Variants in GABRB1 observed in about 807,000 individuals in gnomAD.
GABRB1 encodes the protein gamma-aminobutyric acid receptor subunit beta-1.
A neutral mutation model predicts 51.6 loss-of-function variants in GABRB1; 17 were observed. That is an observed-to-expected ratio of 0.33 (90% CI 0.23 to 0.49). GABRB1 has a LOEUF of 0.49. Ranked by LOEUF, GABRB1 falls within the 20% of genes least tolerant of loss-of-function variation. The pLI is 0.99. For missense variants in GABRB1, 410 were observed against 600.6 expected (o/e 0.68, Z 3.32); for synonymous variants, 247 against 218.9 (o/e 1.13, Z -1.14).
intron 3 of GABRB1, among the ~76,000 whole-genome samples, chr4:47,126,004 C>G (rs1004975733): frequency 6.6e-6 from 1 of 150,680 alleles, no homozygotes; most frequent in African/African-American, 2.4e-5. Context: ...TGCATTGTGT[C>G]TATATATGTA....
At chr4:47,124,841 G>A (rs1300382394) in intron 3 of GABRB1, among the ~76,000 whole-genome samples, 2 of 151,430 alleles carry the variant, frequency 1.3e-5, no homozygotes, top group African/African-American at 4.8e-5. Flanking sequence ...AAAGGAGGAA[G>A]GAAAGACCAC....
At chr4:47,403,510 T>C in intron 6 of GABRB1, 49 bp from the exon 7 acceptor site, 1 of 1,613,368 alleles carries the variant, frequency 6.2e-7, no homozygotes, top group South Asian at 1.1e-5. Context: ...AAGAAGATGG[T>C]TCCAACCAAA....
intron 1 of GABRB1, among the ~76,000 whole-genome samples, chr4:47,019,605 CCTT>C (rs1342757970): frequency 2.1e-5 from 3 of 144,372 alleles, no homozygotes; most frequent in Non-Finnish European, 4.5e-5. Context: ...TCCCTTCCTC[CCTT>C]CTTTCTTTCT....
At chr4:47,280,814 ATTTTTTT>A (rs750413197) in intron 4 of GABRB1, among the ~76,000 whole-genome samples, 1 of 124,984 alleles carries the variant, frequency 8.0e-6, no homozygotes, top group African/African-American at 3.1e-5. Flanking sequence ...TGTCTGGCTA[ATTTTTTT>A]TTTTTTTTTT....
At chr4:47,338,913 T>C (rs1440372295) in intron 5 of GABRB1, among the ~76,000 whole-genome samples, 1 of 152,126 alleles carries the variant, frequency 6.6e-6, no homozygotes, top group African/African-American at 2.4e-5. Context: ...GCTGGTACAT[T>C]TTCCAAAAAT....
At chr4:47,218,112 T>C (rs1469453180) in intron 4 of GABRB1, among the ~76,000 whole-genome samples, 1 of 151,902 alleles carries the variant, frequency 6.6e-6, no homozygotes, top group Non-Finnish European at 1.5e-5. Flanking sequence ...CCTGGTTTAT[T>C]TCACTTAATG....
chr4:47,262,468 G>T (rs1338608550), intron 4 of GABRB1, among the ~76,000 whole-genome samples: 1 of 152,156 alleles, frequency 6.6e-6, no homozygotes, highest in Non-Finnish European at 1.5e-5. Flanking sequence ...GGCCATCAGA[G>T]AAATGCAAAT....
intron 4 of GABRB1, among the ~76,000 whole-genome samples, chr4:47,192,793 T>C (rs1420016681): frequency 6.6e-6 from 1 of 152,242 alleles, no homozygotes; most frequent in Non-Finnish European, 1.5e-5. Context: ...TGTGTGAATA[T>C]TAATTATAGC....
intron 5 of GABRB1, among the ~76,000 whole-genome samples, chr4:47,330,768 A>C (rs1017233107): frequency 4.6e-5 from 7 of 152,210 alleles, no homozygotes; most frequent in African/African-American, 1.7e-4. Flanking sequence ...TGCCTATCTC[A>C]AATATTAATT....
intron 4 of GABRB1, among the ~76,000 whole-genome samples, chr4:47,167,173 TG>T (rs1313740044): frequency 6.6e-6 from 1 of 152,144 alleles, no homozygotes; most frequent in Non-Finnish European, 1.5e-5. Flanking sequence ...AGTTGTCAGC[TG>T]CAACATTTTC....
At chr4:47,232,150 GT>G (rs1399233838) in intron 4 of GABRB1, among the ~76,000 whole-genome samples, 1 of 152,048 alleles carries the variant, frequency 6.6e-6, no homozygotes, top group African/African-American at 2.4e-5. Context: ...CTTTTAATAA[GT>G]TTCCAATTCT....
At chr4:47,146,915 G>A (rs1437475077) in intron 3 of GABRB1, among the ~76,000 whole-genome samples, 6 of 152,056 alleles carry the variant, frequency 3.9e-5, no homozygotes, top group Admixed American at 1.3e-4. Context: ...AAAGAGAAAT[G>A]TGTTAGTGTG....
chr4:47,224,464 G>C (rs1720878621), intron 4 of GABRB1, among the ~76,000 whole-genome samples: 1 of 152,116 alleles, frequency 6.6e-6, no homozygotes, highest in Admixed American at 6.6e-5. Flanking sequence ...AGAGTGAGGA[G>C]GTTAATGAAT....
chr4:47,179,898 C>A (rs193201704), intron 4 of GABRB1, among the ~76,000 whole-genome samples: 131 of 152,152 alleles, frequency 8.6e-4, no homozygotes, highest in African/African-American at 3.1e-3. Context: ...ATCAAGTAAG[C>A]CTTGACTCCA....
chr4:47,204,303 A>T (rs1720024662), intron 4 of GABRB1, among the ~76,000 whole-genome samples: 1 of 152,146 alleles, frequency 6.6e-6, no homozygotes, highest in Non-Finnish European at 1.5e-5. Context: ...AAGCACAGTC[A>T]GGGAATATGG....
At chr4:47,346,492 C>T (rs959274494) in intron 5 of GABRB1, among the ~76,000 whole-genome samples, 2 of 151,904 alleles carry the variant, frequency 1.3e-5, no homozygotes, top group Non-Finnish European at 2.9e-5. Context: ...CATTAATTTT[C>T]AAGATTTGTG....
At chr4:47,180,628 T>A (rs1182054772) in intron 4 of GABRB1, among the ~76,000 whole-genome samples, 2 of 152,064 alleles carry the variant, frequency 1.3e-5, no homozygotes, top group Non-Finnish European at 2.9e-5. Context: ...AATATTTATC[T>A]CATTTTGTAC....
intron 4 of GABRB1, among the ~76,000 whole-genome samples, chr4:47,220,026 T>C (rs1207840422): frequency 6.6e-6 from 1 of 151,954 alleles, no homozygotes; most frequent in African/African-American, 2.4e-5. Context: ...TACCCAACAC[T>C]GATTAAACCC....
At chr4:47,296,003 A>G (rs1355858079) in intron 4 of GABRB1, among the ~76,000 whole-genome samples, 2 of 152,128 alleles carry the variant, frequency 1.3e-5, no homozygotes, top group African/African-American at 4.8e-5. Context: ...ATATCCAGCC[A>G]AACTAAGCTT....
Sources: allele counts gnomAD v4.1 joint callset (sites outside exome capture counted in the v4.1 genomes callset), GRCh38; gene constraint gnomAD v4.1.1; transcripts MANE v1.5; gene names NCBI Gene and HGNC (gene_info 2026-07-23, HGNC 2026-07-21).